The following NXPH1 variants were observed in gnomAD, a reference collection of about 807,000 sequenced individuals.
NXPH1 encodes neurexophilin-1.
NXPH1 carries 5 observed loss-of-function variants against 23.7 expected under a neutral mutation model. That is an observed-to-expected ratio of 0.21 (90% CI 0.11 to 0.44). The LOEUF (loss-of-function observed/expected upper bound fraction) is 0.44, where lower values mean the gene tolerates loss of function less well. Ranked by LOEUF, NXPH1 falls within the 20% of genes least tolerant of loss-of-function variation. The pLI is 0.99. For missense variants in NXPH1, 324 were observed against 321.6 expected (o/e 1.01, Z -0.06); for synonymous variants, 144 against 122.2 (o/e 1.18, Z -1.18).
intron 2 of NXPH1, among the ~76,000 whole-genome samples, chr7:8,505,522 G>A (rs1817508071): frequency 6.6e-6 from 1 of 152,000 alleles, no homozygotes. Flanking sequence ...GGGGTTCCTG[G>A]TAGAAGCAAT....
At chr7:8,474,209 T>A (rs999267161) in intron 2 of NXPH1, among the ~76,000 whole-genome samples, 10 of 152,276 alleles carry the variant, frequency 6.6e-5, no homozygotes, top group African/African-American at 2.4e-4. Context: ...GAATGAGGTG[T>A]ATAAAAATAA....
chr7:8,558,935 G>C (rs1217167007), intron 2 of NXPH1, among the ~76,000 whole-genome samples: 1 of 151,580 alleles, frequency 6.6e-6, no homozygotes, highest in African/African-American at 2.4e-5. Flanking sequence ...AAAAACAATA[G>C]AATATTGATT....
intron 2 of NXPH1, among the ~76,000 whole-genome samples, chr7:8,735,085 A>G (rs1165180321): frequency 6.6e-6 from 1 of 152,238 alleles, no homozygotes; most frequent in African/African-American, 2.4e-5. Flanking sequence ...TGTCATCTGC[A>G]AACAGGGACA....
In NXPH1 at chr7:8,477,068, A is replaced by C. The variant is rs531509653; in HGVS notation, c.54+41301A>C. On this transcript the variant is annotated intron_variant, in intron 2 of 2. Transcript: ENST00000405863. Reference sequence around the variant, plus strand: ...TTTGTCTGTATGTTAAGCAGTACCCAAAAATACACCATGTCTGTGTAGTTG... The same window carrying C: ...TTTGTCTGTATGTTAAGCAGTACCCCAAAATACACCATGTCTGTGTAGTTG... 1.2e-4 allele frequency among the ~76,000 whole-genome samples: 18 copies of C among 152,276 alleles called. No homozygotes were observed. The South Asian group carries it at 3.7e-3, about 32-fold the overall frequency.
intron 2 of NXPH1, among the ~76,000 whole-genome samples, chr7:8,586,394 C>T (rs1818981971): frequency 6.6e-6 from 1 of 151,888 alleles, no homozygotes; most frequent in African/African-American, 2.4e-5. Flanking sequence ...TTAATAAAAG[C>T]CCATGTCATA....
chr7:8,632,362 G>A (rs747266561), intron 2 of NXPH1, among the ~76,000 whole-genome samples: 2 of 151,920 alleles, frequency 1.3e-5, no homozygotes, highest in Non-Finnish European at 2.9e-5. Context: ...TTCTATATTG[G>A]CATTCTTGAT....
intron 2 of NXPH1, among the ~76,000 whole-genome samples, chr7:8,477,890 T>A (rs1224755293): frequency 6.6e-6 from 1 of 152,140 alleles, no homozygotes; most frequent in African/African-American, 2.4e-5. Flanking sequence ...CAATTACGTG[T>A]TTGAATTTCT....
chr7:8,611,980 A>G (rs1448431998), intron 2 of NXPH1, among the ~76,000 whole-genome samples: 1 of 152,174 alleles, frequency 6.6e-6, no homozygotes, highest in Non-Finnish European at 1.5e-5. Flanking sequence ...AGAATGAGCC[A>G]GATGCATTTA....
chr7:8,648,532 A>C (rs889765548), intron 2 of NXPH1, among the ~76,000 whole-genome samples: 1 of 152,228 alleles, frequency 6.6e-6, no homozygotes, highest in Non-Finnish European at 1.5e-5. Context: ...TGCATTGTGT[A>C]TACACACCAC....
At chr7:8,725,968 C>T (rs1314871287) in intron 2 of NXPH1, among the ~76,000 whole-genome samples, 1 of 152,138 alleles carries the variant, frequency 6.6e-6, no homozygotes, top group Non-Finnish European at 1.5e-5. Context: ...CAACTAATCT[C>T]CATTATTTAA....
intron 2 of NXPH1, among the ~76,000 whole-genome samples, chr7:8,492,545 CA>C (rs1194085243): frequency 6.6e-6 from 1 of 151,802 alleles, no homozygotes; most frequent in Admixed American, 6.6e-5. Flanking sequence ...TTGGGGGACA[CA>C]ATGGTGAATA....
At chr7:8,535,528 T>C (rs1446704892) in intron 2 of NXPH1, among the ~76,000 whole-genome samples, 1 of 151,666 alleles carries the variant, frequency 6.6e-6, no homozygotes, top group Non-Finnish European at 1.5e-5. Context: ...ATATGGAATA[T>C]AGCACTGGAA....
intron 2 of NXPH1, among the ~76,000 whole-genome samples, chr7:8,655,927 GC>G (rs1329908726): frequency 6.6e-6 from 1 of 152,148 alleles, no homozygotes; most frequent in Non-Finnish European, 1.5e-5. Context: ...ACAACCGTAA[GC>G]ACAGTTTTGT....
intron 2 of NXPH1, among the ~76,000 whole-genome samples, chr7:8,522,083 A>G (rs1327505211): frequency 1.3e-5 from 2 of 152,214 alleles, no homozygotes; most frequent in African/African-American, 4.8e-5. Flanking sequence ...ATAGGTAGTT[A>G]TTGTTCTTAA....
chr7:8,735,419 G>A (rs1394775288), intron 2 of NXPH1, among the ~76,000 whole-genome samples: 1 of 152,184 alleles, frequency 6.6e-6, no homozygotes, highest in African/African-American at 2.4e-5. Flanking sequence ...CATTGGTTAT[G>A]TTTATGTACT....
chr7:8,511,027 T>C (rs899943278), intron 2 of NXPH1, among the ~76,000 whole-genome samples: 12 of 152,122 alleles, frequency 7.9e-5, no homozygotes, highest in African/African-American at 2.9e-4. Flanking sequence ...GGGGTCAAAG[T>C]AGATGTTCTC....
intron 2 of NXPH1, among the ~76,000 whole-genome samples, chr7:8,536,366 T>G (rs1286598509): frequency 2.6e-5 from 4 of 152,040 alleles, no homozygotes; most frequent in Non-Finnish European, 5.9e-5. Flanking sequence ...TTAGAACATT[T>G]CTGTTTTTTT....
intron 2 of NXPH1, among the ~76,000 whole-genome samples, chr7:8,605,373 A>T (rs1289562537): frequency 6.6e-6 from 1 of 152,162 alleles, no homozygotes; most frequent in Non-Finnish European, 1.5e-5. Flanking sequence ...TGAACTGGGT[A>T]ATCACAGTAA....
chr7:8,704,276 A>G (rs1039703731), intron 2 of NXPH1, among the ~76,000 whole-genome samples: 7 of 152,166 alleles, frequency 4.6e-5, no homozygotes, highest in Non-Finnish European at 7.4e-5. Context: ...CTTCTGTGGC[A>G]TACTATGAAG....
Sources: allele counts gnomAD v4.1 joint callset (sites outside exome capture counted in the v4.1 genomes callset), GRCh38; gene constraint gnomAD v4.1.1; transcripts MANE v1.5; gene names NCBI Gene and HGNC (gene_info 2026-07-23, HGNC 2026-07-21).